NEXMIF: variants seen among roughly 807,000 people sequenced by gnomAD.
The protein encoded by NEXMIF is neurite extension and migration factor, also known as XLMR protein related to neurite extension.
In NEXMIF, 8 loss-of-function variants were observed where a neutral mutation model predicts 62.1. The observed-to-expected ratio is 0.13, with a 90% confidence interval of 0.08 to 0.23. The LOEUF (loss-of-function observed/expected upper bound fraction) is 0.23, where lower values mean the gene tolerates loss of function less well. Among genes scored for constraint, NEXMIF ranks in the 10% least tolerant of loss-of-function variants. The pLI is 1.00. For synonymous variants in NEXMIF, 404 were observed against 416.6 expected (o/e 0.97, Z 0.37); for missense variants, 976 against 1,113.3 (o/e 0.88, Z 1.75).
intron 1 of NEXMIF, among the ~76,000 whole-genome samples, chrX:74,895,120 T>C (rs2080729005): frequency 8.9e-6 from 1 of 112,419 alleles, no homozygotes; most frequent in Non-Finnish European, 1.9e-5. Context: ...CGGTGATGTT[T>C]CAGGAGACAA....
intron 1 of NEXMIF, among the ~76,000 whole-genome samples, chrX:74,907,340 C>T (rs1420038498): frequency 1.5e-5 from 1 of 66,344 alleles, no homozygotes; most frequent in Non-Finnish European, 2.9e-5. Context: ...GAGCACCCCC[C>T]CCCCCGCCCC....
chrX:74,801,430 A>G (rs2080329369), intron 1 of NEXMIF, among the ~76,000 whole-genome samples: 1 of 111,883 alleles, frequency 8.9e-6, no homozygotes, highest in Non-Finnish European at 1.9e-5. Flanking sequence ...GAGGGGTCAG[A>G]GCAAGATGGT....
intron 1 of NEXMIF, among the ~76,000 whole-genome samples, chrX:74,910,078 C>T (rs913609202): frequency 8.9e-6 from 1 of 112,572 alleles, no homozygotes; most frequent in Non-Finnish European, 1.9e-5. Flanking sequence ...AGCCCCCACA[C>T]AGAGTCCCTA....
In NEXMIF at chrX:74,871,807, C is replaced by A. The variant is rs144216604; in HGVS notation, c.-48+53076G>T. Among the ~76,000 whole-genome samples the A allele has an allele frequency of 9.9e-5, 11 of 111,659 alleles. No homozygotes were observed. In the East Asian group the frequency reaches 3.1e-3, roughly 32 times the overall value. On this transcript the variant is annotated intron_variant, in intron 1 of 3. Coordinates refer to ENST00000055682, the MANE Select transcript of NEXMIF (RefSeq NM_001008537.3). ...TTTTTCCCTGAAAATTGCTATTATTCTGTTTTTTCAGGGTGCACTGGTTTC... is the reference window on the plus strand; with the variant it reads ...TTTTTCCCTGAAAATTGCTATTATTATGTTTTTTCAGGGTGCACTGGTTTC...
At chrX:74,892,604 TTTC>T (rs2080721305) in intron 1 of NEXMIF, among the ~76,000 whole-genome samples, 1 of 112,432 alleles carries the variant, frequency 8.9e-6, no homozygotes, top group African/African-American at 3.2e-5. Flanking sequence ...TCTAATTCAA[TTTC>T]TTCATCAAAG....
At chrX:74,796,182 C>CATATATATTATATATATATATATA (rs2080307999) in intron 1 of NEXMIF, among the ~76,000 whole-genome samples, 1 of 58,414 alleles carries the variant, frequency 1.7e-5, no homozygotes, top group African/African-American at 7.3e-5. Context: ...TATATATATA[C>CATATATATTATATATATATATATA]ATATATATTA....
At chrX:74,874,493 T>C (rs1252332134) in intron 1 of NEXMIF, among the ~76,000 whole-genome samples, 2 of 110,090 alleles carry the variant, frequency 1.8e-5, no homozygotes, top group African/African-American at 6.6e-5. Context: ...TTTGGTTCCA[T>C]ATGAACTTTA....
chrX:74,793,303 C>T (rs2080292513), intron 1 of NEXMIF, among the ~76,000 whole-genome samples: 1 of 109,727 alleles, frequency 9.1e-6, no homozygotes, highest in Non-Finnish European at 1.9e-5. Flanking sequence ...GAATATTGGC[C>T]CCCACTCTCT....
chrX:74,885,864 AATATCCTTG>A (rs1307888575), intron 1 of NEXMIF, among the ~76,000 whole-genome samples: 1 of 111,982 alleles, frequency 8.9e-6, no homozygotes, highest in Non-Finnish European at 1.9e-5. Flanking sequence ...ATTTTAGACC[AATATCCTTG>A]ATGAACATTG....
At chrX:74,765,483 A>AT (rs2080191982) in intron 1 of NEXMIF, among the ~76,000 whole-genome samples, 1 of 111,773 alleles carries the variant, frequency 8.9e-6, no homozygotes, top group Non-Finnish European at 1.9e-5. Flanking sequence ...TTAGCTGGTT[A>AT]TTATGCCTAC....
chrX:74,789,508 T>C (rs1350660448), intron 1 of NEXMIF, among the ~76,000 whole-genome samples: 1 of 110,930 alleles, frequency 9.0e-6, no homozygotes, highest in Admixed American at 9.6e-5. Flanking sequence ...GATGGCTGGG[T>C]CAAATGGTAT....
At chrX:74,902,882 C>G (rs1422780806) in intron 1 of NEXMIF, among the ~76,000 whole-genome samples, 2 of 112,050 alleles carry the variant, frequency 1.8e-5, no homozygotes, top group African/African-American at 6.5e-5. Context: ...TCACATTTCC[C>G]AAAGCCTGTG....
chrX:74,744,300 G>T lies in NEXMIF; in HGVS notation c.257C>A (p.Ala86Glu). The T allele has an allele frequency of 5.0e-6, 6 of 1,211,558 alleles. No individual in the cohort carries two copies. The highest frequency in any genetic ancestry group is 6.7e-6 in the Non-Finnish European group (6 of 895,440). ...SPPSPLGLIE[A>E]PEHAANSASV... ...AGCACTATTAGCAGCATGTTCGGGT[G>T]CTTCAATCAGGCCCAAAGGAGAGGG... The change falls in exon 3 of 4, where the codon GCA becomes GAA. Residue 86 changes from alanine (A) to glutamate (E), a missense_variant. Ala to Glu is a moderately radical substitution (Grantham distance 107). Transcript: ENST00000055682.
chrX:74,874,834 C>T (rs1199801086), intron 1 of NEXMIF, among the ~76,000 whole-genome samples: 1 of 102,369 alleles, frequency 9.8e-6, no homozygotes, highest in Non-Finnish European at 2.0e-5. Context: ...GATTTTTGTA[C>T]ATTGATTTTG....
Position 74,767,544 on chromosome X carries a change from A to C in NEXMIF, c.-47-21847T>G, listed in dbSNP as rs2080198437. ...GGCTGATTCTTTGTAGAGCTGCTGT[A>C]CTGTGGCAGTTGACTGCTCTAGTCA... On this transcript the variant is annotated intron_variant, in intron 1 of 3. Transcript: ENST00000055682. 2.7e-5 allele frequency among the ~76,000 whole-genome samples: 3 copies of C among 111,294 alleles called. No individual in the cohort carries two copies. In the Admixed American group the frequency reaches 2.8e-4, roughly 10 times the overall value.
chrX:74,766,306 C>T (rs906869979), intron 1 of NEXMIF, among the ~76,000 whole-genome samples: 8 of 111,833 alleles, frequency 7.2e-5, no homozygotes, highest in Admixed American at 2.9e-4. Flanking sequence ...GAAGTTTTCA[C>T]GTATGATATC....
chrX:74,796,283 T>A lies in NEXMIF; in HGVS notation c.-47-50586A>T, dbSNP rs868652761. Among the ~76,000 whole-genome samples, 110 of 22,471 alleles carry A rather than the reference T, an allele frequency of 4.9e-3. 1 individual carries two copies. Among genetic ancestry groups the A allele is most frequent in the African/African-American group, 0.011 (101 of 9,604 alleles). The allele number at this position is 22,471 out of a possible 115,157, so 19.5% of individuals were successfully genotyped here. ...TATATATTATATATATACATATATA[T>A]TATATATATTATATATATATACACA... On this transcript the variant is annotated intron_variant, in intron 1 of 3. Transcript: ENST00000055682.
Position 74,740,986 on chromosome X carries a change from A to G in NEXMIF, c.3571T>C (p.Ser1191Pro), listed in dbSNP as rs778477886. 1.5e-5 allele frequency: 18 copies of G among 1,211,134 alleles called. No homozygotes were observed. Among genetic ancestry groups the G allele is most frequent in the East Asian group, 3.0e-5 (1 of 33,791 alleles). Residue 1191 changes from serine to proline, a missense_variant, in exon 3 of 4, where the codon TCT becomes CCT. Physicochemically the swap from Ser to Pro is moderately conservative, Grantham distance 74 (BLOSUM62 -1). Coordinates refer to ENST00000055682, the MANE Select transcript of NEXMIF (RefSeq NM_001008537.3). ...PSKSGAMNQS[S>P]SQKNTRKKSL... is the part of the protein sequence containing the mutation. The stretch of plus-strand genomic sequence containing the variant: ...TTTTTCCTGGTGTTTTTCTGAGAAG[A>G]GCTTTGGTTCATAGCCCCACTCTTG...
At chrX:74,873,187 G>A (rs1302894471) in intron 1 of NEXMIF, among the ~76,000 whole-genome samples, 1 of 109,215 alleles carries the variant, frequency 9.2e-6, no homozygotes, top group Non-Finnish European at 1.9e-5. Context: ...TCCCCTTCCA[G>A]TGTCCATGTG....
Sources: gnomAD v4.1 joint callset for allele counts (sites outside exome capture counted in the v4.1 genomes callset) on GRCh38, gnomAD v4.1.1 for gene constraint, MANE v1.5 for transcripts, NCBI Gene and HGNC (gene_info 2026-07-23, HGNC 2026-07-21) for gene names.